Variants in MRPS9 observed in about 807,000 individuals in gnomAD.
MRPS9 encodes mitochondrial ribosomal protein S9, also known as small ribosomal subunit protein uS9m.
In MRPS9, 45 loss-of-function variants were observed where a neutral mutation model predicts 59.9. That is an observed-to-expected ratio of 0.75 (90% confidence interval 0.59 to 0.96). The LOEUF is 0.96. Ranked by LOEUF, MRPS9 falls within the 40% of genes least tolerant of loss-of-function variation. The pLI, the probability that MRPS9 is intolerant of heterozygous loss-of-function variation, is 0.00. For synonymous variants in MRPS9, 171 were observed against 166.8 expected (o/e 1.03, Z -0.19); for missense variants, 473 against 481.1 (o/e 0.98, Z 0.16).
At chr2:105,085,793 A>G (rs1387114487) in intron 5 of MRPS9, among the ~76,000 whole-genome samples, 1 of 152,174 alleles carries the variant, frequency 6.6e-6, no homozygotes, top group Non-Finnish European at 1.5e-5. Context: ...ACACTGTTAA[A>G]TACAGTATAT....
At chr2:105,043,282 T>C (rs1371160463) in intron 1 of MRPS9, among the ~76,000 whole-genome samples, 1 of 152,246 alleles carries the variant, frequency 6.6e-6, no homozygotes, top group Non-Finnish European at 1.5e-5. Context: ...ATGTAAATGG[T>C]AAATTTTGTT....
chr2:105,082,002 G>A (rs984747442), intron 5 of MRPS9, among the ~76,000 whole-genome samples: 10 of 152,144 alleles, frequency 6.6e-5, no homozygotes, highest in Non-Finnish European at 8.8e-5. Flanking sequence ...CTACAGAAGC[G>A]TTTTTGTAGT....
At chr2:105,059,517 A>C (rs146377499) in intron 2 of MRPS9, among the ~76,000 whole-genome samples, 3 of 152,146 alleles carry the variant, frequency 2.0e-5, no homozygotes, top group Non-Finnish European at 2.9e-5. Context: ...TTTGAAGCTT[A>C]TGGAAAAACC....
At position 105,040,423 on chromosome 2, in the gene MRPS9, T is replaced by A. The variant is rs180753531; in HGVS notation, c.135+2196T>A. Among the ~76,000 whole-genome samples the A allele has an allele frequency of 3.9e-5, 6 of 152,350 alleles. No homozygotes were observed. In the East Asian group the frequency reaches 1.2e-3, roughly 29 times the overall value. ...GAATAGAATAATAATAAAGTGCATT[T>A]CATGCAGAGTATTTTTGCATTTTGT... On this transcript the variant is annotated intron_variant, in intron 1 of 10. Transcript: ENST00000258455.
At position 105,038,197 on chromosome 2, in the gene MRPS9, C is replaced by G; in HGVS notation, c.105C>G (p.Ala35=). The change falls in exon 1 of 11, where the codon GCC becomes GCG. Residue 35 remains alanine (A), a synonymous_variant. Transcript: ENST00000258455. ...ARKQGLWKTA[A]PELQTNVRSQ... ...AGCAAGGCCTCTGGAAAACCGCGGC[C>G]CCTGAGTTGCAAACAAATGTCAGAT... is the stretch of plus-strand genomic sequence containing the variant. The G allele has an allele frequency of 6.2e-7, 1 of 1,612,930 alleles. No homozygotes were observed. Among genetic ancestry groups the G allele is most frequent in the East Asian group, 2.2e-5 (1 of 44,854 alleles).
chr2:105,084,520 G>A (rs1008032722), intron 5 of MRPS9, among the ~76,000 whole-genome samples: 6 of 152,042 alleles, frequency 3.9e-5, no homozygotes, highest in African/African-American at 1.2e-4. Context: ...TCCTGGGGAC[G>A]GAGTATCACA....
At chr2:105,091,882 A>T (rs1409070535) in intron 7 of MRPS9, among the ~76,000 whole-genome samples, 1 of 152,216 alleles carries the variant, frequency 6.6e-6, no homozygotes, top group Non-Finnish European at 1.5e-5. Context: ...AAATAGCTTG[A>T]TTGTTCGGTT....
chr2:105,073,517 T>TA (rs1437295271), intron 4 of MRPS9, among the ~76,000 whole-genome samples: 1 of 152,160 alleles, frequency 6.6e-6, no homozygotes, highest in Admixed American at 6.5e-5. Flanking sequence ...TTTTGTATGC[T>TA]AAAAAAGTAA....
chr2:105,089,655 A>C (rs1400138284), intron 6 of MRPS9, among the ~76,000 whole-genome samples: 1 of 152,224 alleles, frequency 6.6e-6, no homozygotes, highest in Non-Finnish European at 1.5e-5. Flanking sequence ...TTAATCTTTA[A>C]GAAATCTGGT....
At chr2:105,047,746 C>T (rs921174090) in intron 1 of MRPS9, among the ~76,000 whole-genome samples, 8 of 152,018 alleles carry the variant, frequency 5.3e-5, no homozygotes, top group Non-Finnish European at 7.4e-5. Flanking sequence ...AAACATTTTT[C>T]TCGTTTTTTA....
At position 105,093,092 on chromosome 2, in the gene MRPS9, A is replaced by G. The variant is rs1412764558; in HGVS notation, c.821-438A>G. On this transcript the variant is annotated intron_variant, in intron 8 of 10. Coordinates refer to ENST00000258455, the MANE Select transcript of MRPS9 (RefSeq NM_182640.3). Reference sequence around the variant, plus strand: ...ATTTTTAACTACTGTGGTGTTTTCAAAGAAATGTGACCTTTCCTGAGTATT... The same window carrying G: ...ATTTTTAACTACTGTGGTGTTTTCAGAGAAATGTGACCTTTCCTGAGTATT... Among the ~76,000 whole-genome samples the G allele has an allele frequency of 2.0e-5, 3 of 152,326 alleles. No individual in the cohort carries two copies. The East Asian group carries it at 5.8e-4, about 29-fold the overall frequency.
chr2:105,088,167 A>G (rs564244025), intron 5 of MRPS9, among the ~76,000 whole-genome samples: 3 of 152,082 alleles, frequency 2.0e-5, no homozygotes, highest in South Asian at 4.2e-4. Flanking sequence ...TAAAATGCCT[A>G]TCTGCTCATT....
intron 1 of MRPS9, among the ~76,000 whole-genome samples, chr2:105,047,576 T>C (rs1313442094): frequency 6.6e-6 from 1 of 151,852 alleles, no homozygotes; most frequent in Non-Finnish European, 1.5e-5. Context: ...ATTCCTAAGA[T>C]TGTGGTTTTA....
intron 1 of MRPS9, among the ~76,000 whole-genome samples, chr2:105,041,359 C>G (rs1189623444): frequency 6.6e-6 from 1 of 152,176 alleles, no homozygotes; most frequent in Non-Finnish European, 1.5e-5. Flanking sequence ...TAATTATTCT[C>G]TACTACTGAA....
In MRPS9 at chr2:105,097,438, T is replaced by C. The variant is rs1250159761; in HGVS notation, c.1099+114T>C. On this transcript the variant is annotated intron_variant, in intron 10 of 10. Coordinates refer to ENST00000258455, the MANE Select transcript of MRPS9 (RefSeq NM_182640.3). ...AAAATATATAGTTACATATGTAATA[T>C]TTCACTTCGCTGTCTTCTTTCTTGC... 2.2e-5 allele frequency: 21 copies of C among 975,966 alleles called. No individual in the cohort carries two copies. The East Asian group carries it at 6.7e-4, about 31-fold the overall frequency. The allele number at this position is 975,966 out of a possible 1,614,324, so 60.5% of individuals were successfully genotyped here.
At chr2:105,067,184 A>G (rs1381286674) in intron 2 of MRPS9, among the ~76,000 whole-genome samples, 1 of 152,202 alleles carries the variant, frequency 6.6e-6, no homozygotes, top group Admixed American at 6.5e-5. Context: ...ATCTGATACA[A>G]TTATAATAAT....
intron 5 of MRPS9, among the ~76,000 whole-genome samples, chr2:105,083,057 G>T (rs1416441059): frequency 1.3e-5 from 2 of 152,102 alleles, no homozygotes; most frequent in East Asian, 3.9e-4. Context: ...ACCAAAAATG[G>T]ATGGCTTCTC....
At chr2:105,097,611 C>T (rs1680694964) in intron 10 of MRPS9, among the ~76,000 whole-genome samples, 1 of 152,216 alleles carries the variant, frequency 6.6e-6, no homozygotes, top group African/African-American at 2.4e-5. Flanking sequence ...GGCCTTAATG[C>T]ATAACCTTTT....
At chr2:105,072,410 C>CTT (rs572139367) in intron 4 of MRPS9, among the ~76,000 whole-genome samples, 91 of 147,010 alleles carry the variant, frequency 6.2e-4, no homozygotes, top group African/African-American at 1.6e-3. Context: ...GTTGACACAA[C>CTT]TTTTTTTTTT....
Sources: allele counts gnomAD v4.1 joint callset (sites outside exome capture counted in the v4.1 genomes callset), GRCh38; gene constraint gnomAD v4.1.1; transcripts MANE v1.5; gene names NCBI Gene and HGNC (gene_info 2026-07-23, HGNC 2026-07-21).